Variants in STARD9 observed in about 807,000 individuals in gnomAD.
STARD9 encodes stAR-related lipid transfer protein 9.
In STARD9, 346 loss-of-function variants were observed where a neutral mutation model predicts 399.8. The observed-to-expected ratio is 0.87, with a 90% CI of 0.79 to 0.95. STARD9 has a LOEUF of 0.95. STARD9 is among the 40% of genes least tolerant of loss of function. STARD9 has a pLI of 0.00. For synonymous variants in STARD9, 2,203 were observed against 2,143.5 expected (o/e 1.03, Z -0.77); for missense variants, 5,832 against 5,667.5 (o/e 1.03, Z -0.93).
chr15:42,662,914 A>T, intron 11 of STARD9, 23 bp downstream of exon 11: 1 of 1,450,462 alleles, frequency 6.9e-7, no homozygotes, highest in South Asian at 1.2e-5. Flanking sequence ...AGATAATGGG[A>T]GTGGGAGGGA....
intron 20 of STARD9, among the ~76,000 whole-genome samples, chr15:42,677,153 A>C (rs2060327949): frequency 6.8e-6 from 1 of 146,730 alleles, no homozygotes. Context: ...AGTCCTAGCC[A>C]CTCAGGAGGC....
intron 20 of STARD9, among the ~76,000 whole-genome samples, chr15:42,679,183 G>A (rs1281811436): frequency 6.6e-6 from 1 of 152,156 alleles, no homozygotes; most frequent in Admixed American, 6.5e-5. Context: ...TGTCTAGGAT[G>A]GGCTCATGTT....
chr15:42,680,396 T>A (rs919417916), intron 20 of STARD9, among the ~76,000 whole-genome samples: 2 of 152,112 alleles, frequency 1.3e-5, no homozygotes, highest in African/African-American at 4.8e-5. Context: ...GGTAAGGAGT[T>A]CGAGACCAGC....
rs754324542 is a variant in STARD9 at position 42,718,775 on chromosome 15, C to A, written c.13866C>A (p.Ala4622=). 3 of 1,537,232 alleles carry A rather than the reference C, an allele frequency of 2.0e-6. No homozygotes were observed. In the South Asian group the frequency reaches 3.6e-5, roughly 18 times the overall value. The change falls in exon 32 of 33, where the codon GCC becomes GCA. Residue 4622 remains alanine, a synonymous_variant. Coordinates refer to ENST00000290607, the MANE Select transcript of STARD9 (RefSeq NM_020759.3). ...AKEGHLSVMA[A]QSVYDTSMPR... ...AGGGTCACCTGTCTGTCATGGCAGC[C>A]CAGTCTGTGTATGATACATCCATGC...
intron 7 of STARD9, among the ~76,000 whole-genome samples, chr15:42,649,325 G>C (rs973242641): frequency 6.6e-6 from 1 of 152,124 alleles, no homozygotes; most frequent in East Asian, 1.9e-4. Flanking sequence ...ACTGCACCCG[G>C]CTCCCTCCAT....
chr15:42,719,869 A>C lies in STARD9; in HGVS notation c.*295A>C. The stretch of plus-strand genomic sequence containing the variant: ...CTCACCTTTCTTTCCTGTTTCTGGG[A>C]CTCTGCGGCAGACAGGACACTTAAG... On this transcript the variant is annotated 3_prime_UTR_variant, in exon 33 of 33. Transcript: ENST00000290607. 1 of 297,708 alleles carries C rather than the reference A, an allele frequency of 3.4e-6. No homozygotes were observed. 18.4% of individuals were successfully genotyped at this position (297,708 alleles called of 1,614,324 possible).
chr15:42,657,288 A>G (rs1186923155), intron 9 of STARD9, among the ~76,000 whole-genome samples: 1 of 150,928 alleles, frequency 6.6e-6, no homozygotes, highest in African/African-American at 2.5e-5. Context: ...TGAATCCAGG[A>G]GGCAGAGGTT....
At chr15:42,625,961 G>A (rs934366144) in intron 3 of STARD9, among the ~76,000 whole-genome samples, 8 of 151,608 alleles carry the variant, frequency 5.3e-5, no homozygotes, top group East Asian at 1.9e-4. Flanking sequence ...TAGTTCTGTC[G>A]CCCAGGCTGG....
In STARD9 at chr15:42,684,726, A is replaced by G. The variant is rs2060508555; in HGVS notation, c.3148A>G (p.Thr1050Ala). The change falls in exon 23 of 33, where the codon ACT (threonine) becomes GCT (alanine). Residue 1050 changes from threonine to alanine, a missense_variant. Transcript: ENST00000290607. Reference sequence around the variant, plus strand: ...AAAAAGGCATCAGAGGGTTCTGGCAACTAGGGTCAGAAATATTACCAAAAA... The same window carrying G: ...AAAAAGGCATCAGAGGGTTCTGGCAGCTAGGGTCAGAAATATTACCAAAAA... Reference protein sequence around the residue: ...ASKRHQRVLATRVRNITKKSS... With the variant: ...ASKRHQRVLAARVRNITKKSS... The G allele has an allele frequency of 6.5e-6, 10 of 1,537,256 alleles. No homozygotes were observed. Among genetic ancestry groups the G allele is most frequent in the East Asian group, 2.4e-5 (1 of 40,902 alleles).
intron 9 of STARD9, 143 bp from the exon 10 acceptor site, chr15:42,661,015 C>T: frequency 1.8e-6 from 1 of 562,378 alleles, no homozygotes; most frequent in Non-Finnish European, 3.2e-6. Flanking sequence ...ATTGAGAGCT[C>T]ACCTGGTTTA....
intron 3 of STARD9, among the ~76,000 whole-genome samples, chr15:42,615,028 T>TC (rs1555391546): frequency 6.7e-6 from 1 of 148,234 alleles, no homozygotes; most frequent in Non-Finnish European, 1.5e-5. Flanking sequence ...TTTTTTTTTT[T>TC]CCAGGAGTCT....
chr15:42,693,065 TCTTC>T lies in STARD9; in HGVS notation c.11492_11495del (p.Pro3831LeufsTer2). 3 of 1,537,132 alleles carry T rather than the reference TCTTC, an allele frequency of 2.0e-6. No individual in the cohort carries two copies. Among genetic ancestry groups the T allele is most frequent in the Non-Finnish European group, 8.7e-7 (1 of 1,146,892 alleles). The stretch of plus-strand genomic sequence containing the variant: ...TTCAGAAAGCCCCCGTTGGGCAGCA[TCTTC>T]CTTCTGTGAGCCCCTCAGTTTCTGA... On this transcript the variant is annotated frameshift_variant, in exon 23 of 33. Transcript: ENST00000290607. LOFTEE classifies it high-confidence loss of function.
chr15:42,684,014 G>A, intron 22 of STARD9, 102 bp from the exon 23 acceptor site: 1 of 1,298,014 alleles, frequency 7.7e-7, no homozygotes, highest in South Asian at 1.6e-5. Context: ...TGGGTCTGAA[G>A]TCTATAGGAG....
At chr15:42,624,792 A>T (rs889772079) in intron 3 of STARD9, among the ~76,000 whole-genome samples, 28 of 152,114 alleles carry the variant, frequency 1.8e-4, no homozygotes, top group African/African-American at 6.3e-4. Flanking sequence ...CAGGTGATTC[A>T]CCTGCCCTGG....
rs2061442733 is a variant in STARD9 at position 42,720,996 on chromosome 15, T to G, written c.*1422T>G. 2 of 152,222 alleles carry G rather than the reference T, an allele frequency of 1.3e-5. No individual in the cohort carries two copies. The highest frequency in any genetic ancestry group is 4.8e-5 in the African/African-American group (2 of 41,446). The allele number at this position is 152,222 out of a possible 1,614,324, so 9.4% of individuals were successfully genotyped here. A position where few individuals can be genotyped will look rare whatever the true frequency, so the allele number is the denominator to read the frequency against. On this transcript the variant is annotated 3_prime_UTR_variant, in exon 33 of 33. Coordinates refer to ENST00000290607, the MANE Select transcript of STARD9 (RefSeq NM_020759.3). ...TAAAATTAAAAGTCCTCTGTGTACT[T>G]TATCTAGTGAAGAGTAGATGAAATC...
Position 42,700,019 on chromosome 15 carries a change from G to A in STARD9, c.13284+4139G>A, listed in dbSNP as rs957400669. Among the ~76,000 whole-genome samples, 14 of 152,198 alleles carry A rather than the reference G, an allele frequency of 9.2e-5. 1 individual carries two copies. The highest frequency in any genetic ancestry group is 7.9e-4 in the Admixed American group (12 of 15,276). On this transcript the variant is annotated intron_variant, in intron 26 of 32. Coordinates refer to ENST00000290607, the MANE Select transcript of STARD9 (RefSeq NM_020759.3). Reference sequence around the variant, plus strand: ...ATCAACTTTTTTAGATTCCGCATATGAGTAAGATCACGTGGTGGTTGGCTG... The same window carrying A: ...ATCAACTTTTTTAGATTCCGCATATAAGTAAGATCACGTGGTGGTTGGCTG...
At chr15:42,625,969 T>A (rs1181450341) in intron 3 of STARD9, among the ~76,000 whole-genome samples, 1 of 152,178 alleles carries the variant, frequency 6.6e-6, no homozygotes, top group African/African-American at 2.4e-5. Flanking sequence ...TCGCCCAGGC[T>A]GGAGCACAGT....
rs372912548 is a variant in STARD9, at chr15:42,638,857, G to A, written c.559+45G>A. 8.4e-6 allele frequency: 10 copies of A among 1,185,290 alleles called. No homozygotes were observed. In the African/African-American group the frequency reaches 1.2e-4, roughly 15 times the overall value. The allele number at this position is 1,185,290 out of a possible 1,614,324, so 73.4% of individuals were successfully genotyped here. ...GAGATCTGAAACCAAACTGAAGCCT[G>A]GGAAGCTCTCCTAATGTTCCCTAAT... On this transcript the variant is annotated intron_variant, in intron 7 of 32. Transcript: ENST00000290607.
intron 3 of STARD9, among the ~76,000 whole-genome samples, chr15:42,633,841 G>A (rs1427478791): frequency 6.6e-6 from 1 of 151,662 alleles, no homozygotes; most frequent in Admixed American, 6.6e-5. Context: ...ACAGGGTTTC[G>A]CCATGTTGGC....
Sources: allele counts gnomAD v4.1 joint callset (sites outside exome capture counted in the v4.1 genomes callset), GRCh38; gene constraint gnomAD v4.1.1; transcripts MANE v1.5; gene names NCBI Gene and HGNC (gene_info 2026-07-23, HGNC 2026-07-21).